The following SGCZ variants were observed in gnomAD, a reference collection of about 807,000 sequenced individuals.
SGCZ encodes sarcoglycan zeta.
SGCZ carries 40 observed loss-of-function variants against 41.3 expected under a neutral mutation model. The observed-to-expected ratio is 0.97, with a 90% CI of 0.75 to 1.26. The LOEUF is 1.26. SGCZ is among the 50% of genes most tolerant of loss of function. The pLI is 0.00. For synonymous variants in SGCZ, 206 were observed against 137.5 expected (o/e 1.50, Z -3.49); for missense variants, 552 against 369.8 (o/e 1.49, Z -4.04).
chr8:14,619,514 G>C (rs557303720), intron 1 of SGCZ, among the ~76,000 whole-genome samples: 7 of 152,166 alleles, frequency 4.6e-5, no homozygotes, highest in Non-Finnish European at 8.8e-5. Flanking sequence ...CCTGTCTGCA[G>C]ATGACATGAC....
intron 1 of SGCZ, among the ~76,000 whole-genome samples, chr8:14,852,942 C>A (rs1365779635): frequency 1.3e-5 from 2 of 152,142 alleles, no homozygotes; most frequent in Admixed American, 1.3e-4. Context: ...TTTTCCTTTA[C>A]TAGGAATGGA....
chr8:14,173,093 T>G (rs1413851064), intron 4 of SGCZ, among the ~76,000 whole-genome samples: 1 of 152,140 alleles, frequency 6.6e-6, no homozygotes, highest in Non-Finnish European at 1.5e-5. Context: ...TATTTTAGAT[T>G]CAGTCTAGAA....
intron 1 of SGCZ, among the ~76,000 whole-genome samples, chr8:14,782,535 G>A (rs925529317): frequency 6.6e-6 from 1 of 152,102 alleles, no homozygotes; most frequent in African/African-American, 2.4e-5. Flanking sequence ...AAAGCATTTT[G>A]CAGATACAAA....
intron 1 of SGCZ, among the ~76,000 whole-genome samples, chr8:14,876,729 A>G (rs1262919720): frequency 1.3e-5 from 2 of 152,200 alleles, no homozygotes; most frequent in African/African-American, 2.4e-5. Flanking sequence ...CAACTGGTTG[A>G]AACAGAATTA....
At chr8:14,720,406 C>G (rs1364401155) in intron 1 of SGCZ, among the ~76,000 whole-genome samples, 5 of 151,986 alleles carry the variant, frequency 3.3e-5, no homozygotes, top group Non-Finnish European at 5.9e-5. Context: ...CTACTGTAAA[C>G]AAATTTTTCT....
At chr8:14,657,590 T>A (rs1483878459) in intron 1 of SGCZ, among the ~76,000 whole-genome samples, 1 of 152,100 alleles carries the variant, frequency 6.6e-6, no homozygotes, top group Non-Finnish European at 1.5e-5. Flanking sequence ...CTTTCTGAAT[T>A]TGGATTCTTA....
chr8:14,373,154 T>A (rs576490347), intron 2 of SGCZ, among the ~76,000 whole-genome samples: 7 of 152,146 alleles, frequency 4.6e-5, no homozygotes, highest in African/African-American at 1.7e-4. Flanking sequence ...ATTCTAGAGG[T>A]TAGTACTTGC....
chr8:14,184,343 C>A (rs1483913193), intron 4 of SGCZ, among the ~76,000 whole-genome samples: 2 of 152,002 alleles, frequency 1.3e-5, no homozygotes, highest in African/African-American at 4.8e-5. Flanking sequence ...AATTAGAAAC[C>A]AAGAAGCATT....
Position 14,260,118 on chromosome 8 carries a change from T to C in SGCZ, c.337-22439A>G, listed in dbSNP as rs1206523279. Reference sequence around the variant, plus strand: ...CTCATGATTTGGCTCTCTGTTTGTCTGTTGTTGGTGTATAAGAAACTACCA... The same window carrying C: ...CTCATGATTTGGCTCTCTGTTTGTCCGTTGTTGGTGTATAAGAAACTACCA... On this transcript the variant is annotated intron_variant, in intron 3 of 7. Transcript: ENST00000382080. Among the ~76,000 whole-genome samples, 10 of 152,276 alleles carry C rather than the reference T, an allele frequency of 6.6e-5. No individual in the cohort carries two copies. In the South Asian group the frequency reaches 2.1e-3, roughly 32 times the overall value.
intron 1 of SGCZ, among the ~76,000 whole-genome samples, chr8:14,812,325 G>A (rs2250991): frequency 0.8 from 121,346 of 151,990 alleles, 48,978 homozygotes; most frequent in African/African-American, 0.92. Flanking sequence ...AAGGAACAAA[G>A]ATATACAAAC....
At chr8:14,209,248 A>G (rs1044375235) in intron 4 of SGCZ, among the ~76,000 whole-genome samples, 3 of 152,220 alleles carry the variant, frequency 2.0e-5, no homozygotes, top group African/African-American at 7.2e-5. Flanking sequence ...AGCCTCTTCA[A>G]ACCTGCCTAT....
chr8:14,415,723 G>C (rs138457867), intron 2 of SGCZ, among the ~76,000 whole-genome samples: 1 of 151,804 alleles, frequency 6.6e-6, no homozygotes, highest in Non-Finnish European at 1.5e-5. Context: ...TAACAGTTGA[G>C]AACATATCTT....
intron 2 of SGCZ, among the ~76,000 whole-genome samples, chr8:14,435,694 G>T (rs926437238): frequency 2.0e-5 from 3 of 152,190 alleles, no homozygotes; most frequent in African/African-American, 7.2e-5. Flanking sequence ...CTGGAATATG[G>T]TGAAGTGTTT....
chr8:15,159,751 C>T (rs1216069301), intron 1 of SGCZ, among the ~76,000 whole-genome samples: 1 of 46,718 alleles, frequency 2.1e-5, no homozygotes, highest in African/African-American at 7.3e-5. Context: ...CCCTCCCCCC[C>T]ACCCCCGCCA....
At chr8:14,127,084 G>A (rs190356322) in intron 5 of SGCZ, among the ~76,000 whole-genome samples, 11 of 152,220 alleles carry the variant, frequency 7.2e-5, no homozygotes, top group Admixed American at 3.9e-4. Flanking sequence ...GCTTACCTAT[G>A]TAAGGTAAGG....
At chr8:14,618,034 A>G (rs920622875) in intron 1 of SGCZ, among the ~76,000 whole-genome samples, 3 of 152,088 alleles carry the variant, frequency 2.0e-5, no homozygotes, top group African/African-American at 7.2e-5. Flanking sequence ...AAAAATGGAA[A>G]TAGTCTATTA....
intron 2 of SGCZ, among the ~76,000 whole-genome samples, chr8:14,467,775 G>A (rs995399005): frequency 6.6e-6 from 1 of 151,938 alleles, no homozygotes. Flanking sequence ...AACACTCCTA[G>A]AGCAAGTTAC....
intron 1 of SGCZ, among the ~76,000 whole-genome samples, chr8:15,062,915 A>G (rs1804989656): frequency 6.6e-6 from 1 of 152,108 alleles, no homozygotes; most frequent in African/African-American, 2.4e-5. Context: ...GTTAAAATAG[A>G]CCTAAGCTAA....
chr8:14,615,806 A>C (rs1006895771), intron 1 of SGCZ, among the ~76,000 whole-genome samples: 1 of 152,198 alleles, frequency 6.6e-6, no homozygotes, highest in Non-Finnish European at 1.5e-5. Context: ...ATTTACATAT[A>C]TGTATAAATA....
Sources: gnomAD v4.1 joint callset for allele counts (sites outside exome capture counted in the v4.1 genomes callset) on GRCh38, gnomAD v4.1.1 for gene constraint, MANE v1.5 for transcripts, NCBI Gene and HGNC (gene_info 2026-07-23, HGNC 2026-07-21) for gene names.